The following HRH1 variants were observed in gnomAD, a reference collection of about 807,000 sequenced individuals.
HRH1 encodes histamine receptor H1, also known as histamine H1 receptor.
In HRH1, 6 loss-of-function variants were observed where a neutral mutation model predicts 10.3. The observed-to-expected ratio is 0.58, with a 90% CI of 0.32 to 1.15. The LOEUF (loss-of-function observed/expected upper bound fraction) is 1.15. Ranked by LOEUF, HRH1 falls within the 50% of genes most tolerant of loss-of-function variation. HRH1 has a pLI of 0.05. For synonymous variants in HRH1, 242 were observed against 236.7 expected (o/e 1.02, Z -0.21); for missense variants, 514 against 615.3 (o/e 0.84, Z 1.74).
At chr3:11,192,932 C>T (rs1195011375) in intron 1 of HRH1, among the ~76,000 whole-genome samples, 4 of 152,186 alleles carry the variant, frequency 2.6e-5, no homozygotes, top group South Asian at 2.1e-4. Flanking sequence ...CTCTTATTAA[C>T]GTCATTCCCT....
intron 1 of HRH1, among the ~76,000 whole-genome samples, chr3:11,252,278 C>T (rs1939672158): frequency 6.6e-6 from 1 of 152,162 alleles, no homozygotes. Flanking sequence ...AAATATTTTA[C>T]TTCAGGTTCT....
rs138775204 is a variant in HRH1, at chr3:11,198,676, A to C, written c.-36+44122A>C. Among the ~76,000 whole-genome samples, 901 of 151,364 alleles carry C rather than the reference A, an allele frequency of 6.0e-3. 5 individuals carry two copies. The highest frequency in any genetic ancestry group is 0.021 in the African/African-American group (866 of 41,154). The stretch of plus-strand genomic sequence containing the variant: ...CGCTTGAGCCCAGGAGTTCGAGGTT[A>C]CAGTGAGCTATGATTGCATCACTGC... On this transcript the variant is annotated intron_variant, in intron 1 of 1. Coordinates refer to ENST00000431010, the MANE Select transcript of HRH1 (RefSeq NM_001098212.2).
chr3:11,176,723 T>C (rs554766584), intron 1 of HRH1, among the ~76,000 whole-genome samples: 1 of 152,348 alleles, frequency 6.6e-6, no homozygotes, highest in South Asian at 2.1e-4. Context: ...AAAGTCATGC[T>C]GCTAATAATA....
intron 1 of HRH1, among the ~76,000 whole-genome samples, chr3:11,141,979 C>CA (rs1184452037): frequency 6.6e-6 from 1 of 152,238 alleles, no homozygotes. Context: ...TTCATGCAAA[C>CA]AAAATCTTAC....
intron 1 of HRH1, chr3:11,234,507 T>C (rs1036723377): frequency 4.1e-6 from 6 of 1,450,210 alleles, no homozygotes; most frequent in Admixed American, 1.7e-5. Flanking sequence ...CCGCTGGCCA[T>C]TCCCCCAAGG....
At chr3:11,146,816 T>C (rs1453534419) in intron 1 of HRH1, among the ~76,000 whole-genome samples, 8 of 152,194 alleles carry the variant, frequency 5.3e-5, no homozygotes, top group African/African-American at 1.4e-4. Context: ...CTGGCAGCCA[T>C]GGCAGCTAAG....
chr3:11,152,242 G>A (rs967482921), upstream of HRH1, among the ~76,000 whole-genome samples: 3 of 152,192 alleles, frequency 2.0e-5, no homozygotes, highest in Non-Finnish European at 4.4e-5. Flanking sequence ...CTGACACACA[G>A]TATGCAGTAA....
At chr3:11,190,371 T>TTA (rs1453581685) in intron 1 of HRH1, among the ~76,000 whole-genome samples, 1,906 of 149,106 alleles carry the variant, frequency 0.013, 38 homozygotes, top group African/African-American at 0.044. Flanking sequence ...ATATATTTTT[T>TTA]AATTAATTAA....
chr3:11,239,806 C>T (rs1939287151), intron 1 of HRH1, among the ~76,000 whole-genome samples: 1 of 152,058 alleles, frequency 6.6e-6, no homozygotes. Context: ...CCTCTTGCCC[C>T]CAGTGGCAGC....
chr3:11,232,238 G>A (rs1195468397), intron 1 of HRH1, among the ~76,000 whole-genome samples: 8 of 152,024 alleles, frequency 5.3e-5, no homozygotes, highest in Non-Finnish European at 1.2e-4. Context: ...CACTTGCCTC[G>A]GCCTCCCAAA....
intron 1 of HRH1, among the ~76,000 whole-genome samples, chr3:11,202,277 G>A (rs981786657): frequency 7.2e-5 from 11 of 151,834 alleles, no homozygotes; most frequent in African/African-American, 2.2e-4. Flanking sequence ...GGTGGTGAGC[G>A]CCTTGTAATC....
intron 1 of HRH1, among the ~76,000 whole-genome samples, chr3:11,258,369 T>G (rs1939840346): frequency 6.6e-6 from 1 of 151,802 alleles, no homozygotes; most frequent in Non-Finnish European, 1.5e-5. Flanking sequence ...AGCAAGGCCC[T>G]AGGCTGGCAT....
intron 1 of HRH1, among the ~76,000 whole-genome samples, chr3:11,251,613 T>C (rs1250034113): frequency 6.6e-6 from 1 of 152,184 alleles, no homozygotes; most frequent in East Asian, 1.9e-4. Flanking sequence ...TAAACATCTA[T>C]GCCCAAGTTC....
chr3:11,197,952 G>A (rs1937730869), intron 1 of HRH1, among the ~76,000 whole-genome samples: 1 of 152,128 alleles, frequency 6.6e-6, no homozygotes, highest in Non-Finnish European at 1.5e-5. Flanking sequence ...CTCATTCCCT[G>A]CCTGGGAAAT....
At chr3:11,179,441 A>C (rs1574991425) in intron 1 of HRH1, among the ~76,000 whole-genome samples, 2 of 151,432 alleles carry the variant, frequency 1.3e-5, no homozygotes, top group Non-Finnish European at 2.9e-5. Flanking sequence ...TAACATGGTG[A>C]AACCCCGTCT....
intron 1 of HRH1, among the ~76,000 whole-genome samples, chr3:11,233,524 T>C (rs1230400885): frequency 6.6e-6 from 1 of 152,162 alleles, no homozygotes; most frequent in African/African-American, 2.4e-5. Flanking sequence ...TCCCCACCTC[T>C]CAAGAACATT....
intron 1 of HRH1, among the ~76,000 whole-genome samples, chr3:11,163,136 C>T (rs1432446719): frequency 6.6e-6 from 1 of 152,084 alleles, no homozygotes; most frequent in Non-Finnish European, 1.5e-5. Context: ...CTGCTGCATC[C>T]TGCTGCACCG....
At chr3:11,201,647 TAGAC>T (rs1937913256) in intron 1 of HRH1, among the ~76,000 whole-genome samples, 1 of 152,114 alleles carries the variant, frequency 6.6e-6, no homozygotes, top group South Asian at 2.1e-4. Context: ...AGCATATCCT[TAGAC>T]TAGTCGGAGA....
At chr3:11,250,202 C>T (rs1038520767) in intron 1 of HRH1, among the ~76,000 whole-genome samples, 5 of 139,710 alleles carry the variant, frequency 3.6e-5, no homozygotes, top group Non-Finnish European at 7.6e-5. Context: ...CCACCACACC[C>T]GGCTAATTTT....
Sources: allele counts gnomAD v4.1 joint callset (sites outside exome capture counted in the v4.1 genomes callset), GRCh38; gene constraint gnomAD v4.1.1; transcripts MANE v1.5; gene names NCBI Gene and HGNC (gene_info 2026-07-23, HGNC 2026-07-21).